Variants in PAN3 observed in about 807,000 individuals in gnomAD.
PAN3 encodes PAN2-PAN3 deadenylation complex subunit PAN3.
In PAN3, 19 loss-of-function variants were observed where a neutral mutation model predicts 96.2. The observed-to-expected ratio is 0.20, with a 90% confidence interval of 0.14 to 0.29. PAN3 has a LOEUF of 0.29. Ranked by LOEUF, PAN3 falls within the 10% of genes least tolerant of loss-of-function variation. PAN3 has a pLI of 1.00. For synonymous variants in PAN3, 433 were observed against 406.6 expected (o/e 1.06, Z -0.78); for missense variants, 882 against 1,108.1 (o/e 0.80, Z 2.90).
At chr13:28,237,922 ATATCC>A (rs2138480665) in intron 6 of PAN3, among the ~76,000 whole-genome samples, 1 of 152,322 alleles carries the variant, frequency 6.6e-6, no homozygotes, top group Admixed American at 6.5e-5. Context: ...CTGCATGAAA[ATATCC>A]TAACCCAACA....
At chr13:28,234,125 C>T (rs1882859315) in intron 6 of PAN3, among the ~76,000 whole-genome samples, 1 of 152,136 alleles carries the variant, frequency 6.6e-6, no homozygotes. Flanking sequence ...AGTTAAGAAG[C>T]ACTAGTGTGG....
chr13:28,288,325 A>C (rs1459414580), intron 18 of PAN3, among the ~76,000 whole-genome samples: 1 of 152,172 alleles, frequency 6.6e-6, no homozygotes, highest in Non-Finnish European at 1.5e-5. Flanking sequence ...TGGAGGACAG[A>C]GTCTTGCTCT....
Position 28,251,875 on chromosome 13 carries a change from G to GGTTTGTTT in PAN3, c.1001-4399_1001-4392dup, listed in dbSNP as rs3029488. ...GCTTTAGTTTCTTGCTCTTGGGGTTGGTTTGTTTGTTTGTTTGTTTGTTTG... is the reference window on the plus strand; with the variant it reads ...GCTTTAGTTTCTTGCTCTTGGGGTTGGTTTGTTTGTTTGTTTGTTTGTTTGTTTGTTTG... On this transcript the variant is annotated intron_variant, in intron 6 of 18. Transcript: ENST00000380958. Among the ~76,000 whole-genome samples, 1,350 of 150,346 alleles carry GGTTTGTTT rather than the reference G, an allele frequency of 9.0e-3. 17 individuals are homozygous for GGTTTGTTT. Among genetic ancestry groups the GGTTTGTTT allele is most frequent in the African/African-American group, 0.025 (1,035 of 40,906 alleles).
At chr13:28,219,679 C>T (rs1239285931) in intron 5 of PAN3, among the ~76,000 whole-genome samples, 3 of 152,204 alleles carry the variant, frequency 2.0e-5, no homozygotes, top group Non-Finnish European at 2.9e-5. Context: ...ACTGCATGGG[C>T]ATTAGGATCG....
intron 12 of PAN3, 80 bp downstream of exon 12, chr13:28,267,481 GT>G: frequency 1.7e-6 from 2 of 1,156,548 alleles, no homozygotes; most frequent in Non-Finnish European, 2.5e-6. Flanking sequence ...TTTAAAATAC[GT>G]ATAATTTTTC....
intron 17 of PAN3, among the ~76,000 whole-genome samples, chr13:28,281,853 C>T (rs1887498494): frequency 6.6e-6 from 1 of 150,752 alleles, no homozygotes; most frequent in African/African-American, 2.4e-5. Context: ...TGACTGCAAC[C>T]TCTGCCTCCC....
At chr13:28,270,581 A>G (rs972815887) in intron 12 of PAN3, 120 bp from the exon 13 acceptor site, 8 of 1,015,196 alleles carry the variant, frequency 7.9e-6, no homozygotes, top group South Asian at 3.4e-5. Context: ...ACACACATAT[A>G]TAAATTGACA....
chr13:28,256,841 A>G (rs1276859638), intron 7 of PAN3, among the ~76,000 whole-genome samples: 2 of 152,170 alleles, frequency 1.3e-5, no homozygotes, highest in Non-Finnish European at 2.9e-5. Flanking sequence ...GCTGGAATTG[A>G]TGCCTGCTGA....
At chr13:28,172,317 G>T (rs1055275515) in intron 1 of PAN3, among the ~76,000 whole-genome samples, 1 of 152,062 alleles carries the variant, frequency 6.6e-6, no homozygotes, top group Non-Finnish European at 1.5e-5. Context: ...TTAGCCGGGC[G>T]TAGTGGTGGG....
chr13:28,158,859 C>T (rs1872547917), intron 1 of PAN3, among the ~76,000 whole-genome samples: 1 of 146,898 alleles, frequency 6.8e-6, no homozygotes, highest in South Asian at 2.2e-4. Context: ...GCCTGGGTGA[C>T]AGAGCAAGAC....
At chr13:28,247,355 G>A (rs890230465) in intron 6 of PAN3, among the ~76,000 whole-genome samples, 10 of 152,004 alleles carry the variant, frequency 6.6e-5, no homozygotes, top group African/African-American at 2.2e-4. Flanking sequence ...TGAAGGGATA[G>A]TGTGCATATA....
At chr13:28,152,347 G>T (rs1251742793) in intron 1 of PAN3, among the ~76,000 whole-genome samples, 2 of 152,152 alleles carry the variant, frequency 1.3e-5, no homozygotes, top group East Asian at 3.8e-4. Flanking sequence ...ACTTTGGGAA[G>T]GTGAGGGGGG....
intron 14 of PAN3, among the ~76,000 whole-genome samples, chr13:28,273,604 A>G (rs994543456): frequency 1.3e-5 from 2 of 152,144 alleles, no homozygotes; most frequent in Admixed American, 6.5e-5. Context: ...CCATCTCAAA[A>G]AAAAAAAAGA....
At chr13:28,260,696 AT>A (rs551196625) in intron 8 of PAN3, 145 bp downstream of exon 8, 94 of 643,814 alleles carry the variant, frequency 1.5e-4, no homozygotes, top group South Asian at 2.7e-4. Context: ...TTTAATTGGT[AT>A]TTTTTTTAAG....
At chr13:28,143,457 C>T (rs1870151795) in intron 1 of PAN3, among the ~76,000 whole-genome samples, 1 of 152,142 alleles carries the variant, frequency 6.6e-6, no homozygotes, top group Admixed American at 6.6e-5. Flanking sequence ...ATTTTATGTA[C>T]ATTATTTGAA....
intron 5 of PAN3, chr13:28,215,795 GAGAC>G (rs1277927368): frequency 7.2e-7 from 1 of 1,395,586 alleles, no homozygotes; most frequent in African/African-American, 1.4e-5. Context: ...TTGGTGATGT[GAGAC>G]AGACAGTTGC....
At chr13:28,204,144 C>T (rs1262763199) in intron 5 of PAN3, among the ~76,000 whole-genome samples, 1 of 152,094 alleles carries the variant, frequency 6.6e-6, no homozygotes, top group Non-Finnish European at 1.5e-5. Flanking sequence ...ATCATCTCAG[C>T]CCAGACACCA....
At chr13:28,169,105 G>A (rs1272663968) in intron 1 of PAN3, among the ~76,000 whole-genome samples, 4 of 151,466 alleles carry the variant, frequency 2.6e-5, no homozygotes, top group Non-Finnish European at 5.9e-5. Flanking sequence ...AGGATTGAAG[G>A]ACTGAAAAAT....
rs1021996798 is a variant in PAN3, at chr13:28,284,373, T to G, written c.2384+2994T>G. On this transcript the variant is annotated intron_variant, in intron 17 of 18. Transcript: ENST00000380958. ...ATATAAGAGCTAAAGAGATTCACTC[T>G]TTTTGTGATTTTTTTTTTTTTTTTG... 2.1e-4 allele frequency among the ~76,000 whole-genome samples: 31 copies of G among 149,624 alleles called. No homozygotes were observed. The South Asian group carries it at 3.7e-3, about 18-fold the overall frequency.
Sources: gnomAD v4.1 joint callset for allele counts (sites outside exome capture counted in the v4.1 genomes callset) on GRCh38, gnomAD v4.1.1 for gene constraint, MANE v1.5 for transcripts, NCBI Gene and HGNC (gene_info 2026-07-23, HGNC 2026-07-21) for gene names.